The following DCLRE1C variants were observed in gnomAD, a reference collection of about 807,000 sequenced individuals.
DCLRE1C encodes DNA cross-link repair 1C, also known as protein artemis.
Under a neutral mutation model 61.4 loss-of-function variants are expected in DCLRE1C, and 47 were observed. That is an observed-to-expected ratio of 0.77 (90% CI 0.61 to 0.98). DCLRE1C has a LOEUF of 0.98. Ranked by LOEUF, DCLRE1C falls within the 50% of genes least tolerant of loss-of-function variation. The pLI is 0.00. For synonymous variants in DCLRE1C, 337 were observed against 287.6 expected (o/e 1.17, Z -1.74); for missense variants, 858 against 816.0 (o/e 1.05, Z -0.63).
chr10:14,908,467 G>A lies in DCLRE1C; in HGVS notation c.2020C>T (p.Leu674=). 1 of 1,613,906 alleles carries A rather than the reference G, an allele frequency of 6.2e-7. No individual in the cohort carries two copies. The highest frequency in any genetic ancestry group is 1.3e-5 in the African/African-American group (1 of 74,954). ...REHLQYLYEK[L]ATGESIAVKK... is the part of the protein sequence containing the mutation. ...ACTGCTATACTCTCACCAGTTGCCA[G>A]CTTCTCATATAAATATTGTAAATGC... The change falls in exon 14 of 14, where the codon CTG becomes TTG. Residue 674 remains leucine (L), a synonymous_variant. Coordinates refer to ENST00000378278, the MANE Select transcript of DCLRE1C (RefSeq NM_001033855.3).
chr10:14,937,293 T>C (rs1840101689), intron 4 of DCLRE1C, among the ~76,000 whole-genome samples: 2 of 147,758 alleles, frequency 1.4e-5, no homozygotes, highest in Non-Finnish European at 3.0e-5. Flanking sequence ...TTTTTTTTTT[T>C]TTTTTTTTTT....
At chr10:14,917,662 A>G (rs1836425297) in intron 13 of DCLRE1C, among the ~76,000 whole-genome samples, 2 of 152,088 alleles carry the variant, frequency 1.3e-5, no homozygotes, top group Admixed American at 1.3e-4. Flanking sequence ...CATGTCTACA[A>G]AAAATATAAA....
intron 12 of DCLRE1C, chr10:14,920,542 T>G: frequency 2.0e-4 from 65 of 319,688 alleles, no homozygotes; most frequent in Non-Finnish European, 2.6e-4. Context: ...CCCACAGCTG[T>G]TCTCTGGATC....
rs375336429 is a variant in DCLRE1C, at chr10:14,939,866, A to C, written c.250T>G (p.Ser84Ala). Reference sequence around the variant, plus strand: ...TGGGTAGGAGTCTCGATTTCAATAGATATCTATAAAAATAAAATAAGAGAC... The same window carrying C: ...TGGGTAGGAGTCTCGATTTCAATAGCTATCTATAAAAATAAAATAAGAGAC... ...KYRFWKKRIISIEIETPTQIS... is the reference protein window; with the variant it reads ...KYRFWKKRIIAIEIETPTQIS... The change falls in exon 4 of 14, where the codon TCT becomes GCT. Residue 84 changes from serine (S) to alanine (A), a missense_variant. Ser to Ala is a moderately conservative substitution (Grantham distance 99, BLOSUM62 1). Around this residue, in one of 2 missense-constraint regions of DCLRE1C, gnomAD observed 843 missense variants for 783.5 expected, o/e 1.08. Transcript: ENST00000378278. 1.3e-6 allele frequency: 2 copies of C among 1,591,516 alleles called. No homozygotes were observed. The highest frequency in any genetic ancestry group is 8.6e-7 in the Non-Finnish European group (1 of 1,161,746).
intron 9 of DCLRE1C, among the ~76,000 whole-genome samples, chr10:14,928,922 A>G (rs1030000885): frequency 6.6e-6 from 1 of 151,846 alleles, no homozygotes; most frequent in Non-Finnish European, 1.5e-5. Context: ...AGCTGAAATT[A>G]TAGGCACACA....
intron 13 of DCLRE1C, among the ~76,000 whole-genome samples, chr10:14,914,075 G>A (rs547192683): frequency 4.6e-5 from 7 of 152,276 alleles, no homozygotes; most frequent in African/African-American, 1.7e-4. Context: ...ATTAAACTAA[G>A]TGGACTAAGC....
chr10:14,901,965 A>G (rs1390377463), downstream of DCLRE1C, among the ~76,000 whole-genome samples: 16 of 152,198 alleles, frequency 1.1e-4, no homozygotes, highest in East Asian at 1.3e-3. Context: ...ATTTAATTCT[A>G]TTTGCTTTAT....
At chr10:14,921,991 T>C (rs918972561) in intron 12 of DCLRE1C, among the ~76,000 whole-genome samples, 20 of 152,226 alleles carry the variant, frequency 1.3e-4, no homozygotes, top group African/African-American at 4.6e-4. Flanking sequence ...CGAAGCAGAT[T>C]CCCTGACACG....
chr10:14,939,048 C>A (rs1032818242), intron 4 of DCLRE1C, among the ~76,000 whole-genome samples: 5 of 152,282 alleles, frequency 3.3e-5, no homozygotes, highest in African/African-American at 1.2e-4. Context: ...GCATAGAAGC[C>A]TTGTGAGTGA....
chr10:14,941,476 G>A (rs1013181681), intron 3 of DCLRE1C, among the ~76,000 whole-genome samples: 2 of 152,096 alleles, frequency 1.3e-5, no homozygotes, highest in African/African-American at 2.4e-5. Flanking sequence ...TTGTAGACAT[G>A]GGGTTTTGCA....
chr10:14,940,457 T>C (rs1840693936), intron 3 of DCLRE1C, among the ~76,000 whole-genome samples: 1 of 151,268 alleles, frequency 6.6e-6, no homozygotes, highest in South Asian at 2.1e-4. Flanking sequence ...CAAGGCTGAG[T>C]TTTTTGTACT....
At chr10:14,913,704 A>G (rs1376778815) in intron 13 of DCLRE1C, among the ~76,000 whole-genome samples, 1 of 152,244 alleles carries the variant, frequency 6.6e-6, no homozygotes, top group Non-Finnish European at 1.5e-5. Flanking sequence ...CAGTATAACA[A>G]CTAGTTACCA....
rs1332938436 is a variant in DCLRE1C at position 14,905,601 on chromosome 10, C to T, written c.*2807G>A. Reference sequence around the variant, plus strand: ...AGACTTTTTAAAAAACTAGTTTATACTATTCAAACATTTAAGTCCTGGAAC... The same window carrying T: ...AGACTTTTTAAAAAACTAGTTTATATTATTCAAACATTTAAGTCCTGGAAC... On this transcript the variant is annotated 3_prime_UTR_variant, in exon 14 of 14. Coordinates refer to ENST00000378278, the MANE Select transcript of DCLRE1C (RefSeq NM_001033855.3). Among the ~76,000 whole-genome samples, 2 of 152,214 alleles carry T rather than the reference C, an allele frequency of 1.3e-5. No individual in the cohort carries two copies. The highest frequency in any genetic ancestry group is 2.9e-5 in the Non-Finnish European group (2 of 68,054).
intron 2 of DCLRE1C, among the ~76,000 whole-genome samples, chr10:14,946,526 G>A (rs541723428): frequency 8.5e-5 from 13 of 152,188 alleles, no homozygotes; most frequent in Admixed American, 6.5e-4. Context: ...CATAGAATGC[G>A]GTGGAAGTAA....
chr10:14,945,896 G>C (rs925881218), intron 2 of DCLRE1C, among the ~76,000 whole-genome samples: 1 of 150,528 alleles, frequency 6.6e-6, no homozygotes, highest in African/African-American at 2.4e-5. Flanking sequence ...GACCTCGGGT[G>C]ATCCACCCAC....
At position 14,932,929 on chromosome 10, in the gene DCLRE1C, A is replaced by C; in HGVS notation, c.705T>G (p.Phe235Leu). Residue 235 changes from phenylalanine to leucine, a missense_variant, in exon 9 of 14, where the codon TTT becomes TTG. Coordinates refer to ENST00000378278, the MANE Select transcript of DCLRE1C (RefSeq NM_001033855.3). Reference sequence around the variant, plus strand: ...GATGAAGGATCTCAGGCATGTTCCTAAACATGTCTAGCTTATTCACATGAA... The same window carrying C: ...GATGAAGGATCTCAGGCATGTTCCTCAACATGTCTAGCTTATTCACATGAA... ...VQVHVNKLDMFRNMPEILHHL... is the reference protein window; with the variant it reads ...VQVHVNKLDMLRNMPEILHHL... The C allele has an allele frequency of 1.9e-6, 3 of 1,614,232 alleles. No individual in the cohort carries two copies. Among genetic ancestry groups the C allele is most frequent in the Non-Finnish European group, 2.5e-6 (3 of 1,180,028 alleles).
chr10:14,937,264 C>G (rs892041207), intron 4 of DCLRE1C, among the ~76,000 whole-genome samples: 9 of 148,178 alleles, frequency 6.1e-5, no homozygotes, highest in Admixed American at 2.7e-4. Context: ...CGATTTCTAT[C>G]TCAATAAAGC....
intron 3 of DCLRE1C, among the ~76,000 whole-genome samples, chr10:14,944,703 C>G (rs978274316): frequency 2.8e-5 from 4 of 140,620 alleles, no homozygotes; most frequent in Non-Finnish European, 6.1e-5. Context: ...TAGATGGAGT[C>G]CCACTCTGTT....
chr10:14,936,313 G>A (rs1589076466), intron 5 of DCLRE1C, among the ~76,000 whole-genome samples: 1 of 146,822 alleles, frequency 6.8e-6, no homozygotes, highest in Non-Finnish European at 1.5e-5. Context: ...CTCCCTCTAT[G>A]TATTCTTTCT....
Sources: allele counts gnomAD v4.1 joint callset (sites outside exome capture counted in the v4.1 genomes callset), GRCh38; gene constraint gnomAD v4.1.1; regional missense constraint gnomAD v4.1.1; transcripts MANE v1.5; gene names NCBI Gene and HGNC (gene_info 2026-07-23, HGNC 2026-07-21).